The following PCDH17 variants were observed in gnomAD, a reference collection of about 807,000 sequenced individuals.
The protein encoded by PCDH17 is protocadherin 17.
In PCDH17, 21 loss-of-function variants were observed where a neutral mutation model predicts 67.7. The observed-to-expected ratio is 0.31, with a 90% CI of 0.22 to 0.45. PCDH17 has a LOEUF of 0.45. Among genes scored for constraint, PCDH17 ranks in the 20% least tolerant of loss-of-function variants. The pLI is 1.00. For missense variants in PCDH17, 1,471 were observed against 1,564.8 expected (o/e 0.94, Z 1.01); for synonymous variants, 701 against 656.7 (o/e 1.07, Z -1.03).
chr13:57,647,824 C>A (rs1022668365), intron 1 of PCDH17, among the ~76,000 whole-genome samples: 1 of 151,694 alleles, frequency 6.6e-6, no homozygotes, highest in Non-Finnish European at 1.5e-5. Context: ...AAGATATAGT[C>A]GAGATAAAAT....
At chr13:57,637,560 A>G (rs1001707737) in intron 1 of PCDH17, among the ~76,000 whole-genome samples, 1 of 151,964 alleles carries the variant, frequency 6.6e-6, no homozygotes, top group Non-Finnish European at 1.5e-5. Flanking sequence ...TATGTAATAC[A>G]GCATCCTAAG....
chr13:57,660,023 A>G (rs1428929651), intron 1 of PCDH17, among the ~76,000 whole-genome samples: 1 of 152,076 alleles, frequency 6.6e-6, no homozygotes, highest in East Asian at 1.9e-4. Context: ...CTTTGAGCTC[A>G]TGAGTTCGAG....
rs900301413 is a variant in PCDH17 at position 57,720,905 on chromosome 13, C to A, written c.2798-3707C>A. 4.6e-5 allele frequency among the ~76,000 whole-genome samples: 7 copies of A among 152,074 alleles called. No individual in the cohort carries two copies. In the East Asian group the frequency reaches 1.2e-3, roughly 25 times the overall value. Reference sequence around the variant, plus strand: ...TTTAGATACTTCCCTTTGAGGCTTGCATAACAGTCAGATGCAGCAACAGGA... The same window carrying A: ...TTTAGATACTTCCCTTTGAGGCTTGAATAACAGTCAGATGCAGCAACAGGA... On this transcript the variant is annotated intron_variant, in intron 3 of 3. Coordinates refer to ENST00000377918, the MANE Select transcript of PCDH17 (RefSeq NM_001040429.3).
chr13:57,683,191 A>G (rs1332401336), intron 3 of PCDH17, among the ~76,000 whole-genome samples: 1 of 151,868 alleles, frequency 6.6e-6, no homozygotes, highest in Non-Finnish European at 1.5e-5. Context: ...AGAGGGAGTC[A>G]TGGGGATGAT....
chr13:57,686,078 G>C (rs1367964194), intron 3 of PCDH17, among the ~76,000 whole-genome samples: 1 of 148,086 alleles, frequency 6.8e-6, no homozygotes, highest in Admixed American at 6.9e-5. Context: ...GACACAGGGA[G>C]ATCTCATCTC....
intron 1 of PCDH17, among the ~76,000 whole-genome samples, chr13:57,653,216 T>C (rs1375716838): frequency 6.6e-6 from 1 of 152,184 alleles, no homozygotes; most frequent in African/African-American, 2.4e-5. Context: ...CTGGCTCTGA[T>C]TATTATTTTA....
chr13:57,690,210 G>A (rs866827688), intron 3 of PCDH17, among the ~76,000 whole-genome samples: 1 of 151,596 alleles, frequency 6.6e-6, no homozygotes, highest in Non-Finnish European at 1.5e-5. Context: ...ATTTAGACTA[G>A]CATCCTATCC....
chr13:57,696,369 T>C (rs1013997123), intron 3 of PCDH17, among the ~76,000 whole-genome samples: 1 of 151,432 alleles, frequency 6.6e-6, no homozygotes, highest in African/African-American at 2.4e-5. Flanking sequence ...AAGTGGGTTT[T>C]AATTTCGTGT....
chr13:57,632,619 G>A lies in PCDH17; in HGVS notation c.73G>A (p.Val25Met). The A allele has an allele frequency of 1.2e-6, 2 of 1,613,750 alleles. No individual in the cohort carries two copies. Among genetic ancestry groups the A allele is most frequent in the Non-Finnish European group, 1.7e-6 (2 of 1,179,970 alleles). Residue 25 changes from valine (V) to methionine (M), a missense_variant, in exon 1 of 4, where the codon GTG becomes ATG. Physicochemically the swap from Val to Met is conservative, Grantham distance 21. Around this residue, in one of 3 missense-constraint regions of PCDH17, gnomAD observed 1,163 missense variants for 1,230.0 expected, o/e 0.95. Coordinates refer to ENST00000377918, the MANE Select transcript of PCDH17 (RefSeq NM_001040429.3). ...ALTLKNLNYSVPEEQGAGTVI... is the reference protein window; with the variant it reads ...ALTLKNLNYSMPEEQGAGTVI... Reference sequence around the variant, plus strand: ...CACTCTCAAGAACCTCAACTACTCCGTGCCGGAGGAGCAAGGGGCCGGCAC... The same window carrying A: ...CACTCTCAAGAACCTCAACTACTCCATGCCGGAGGAGCAAGGGGCCGGCAC...
intron 3 of PCDH17, among the ~76,000 whole-genome samples, chr13:57,694,903 C>T (rs1282211230): frequency 6.6e-6 from 1 of 151,020 alleles, no homozygotes; most frequent in Non-Finnish European, 1.5e-5. Flanking sequence ...TCCTGTGTGT[C>T]CAAAGAGCTG....
Position 57,726,551 on chromosome 13 carries a change from T to C in PCDH17, c.*1257T>C, listed in dbSNP as rs1302229448. The C allele has an allele frequency of 6.6e-6, 1 of 152,622 alleles. No homozygotes were observed. Among genetic ancestry groups the C allele is most frequent in the Non-Finnish European group, 1.5e-5 (1 of 68,030 alleles). The allele number at this position is 152,622 out of a possible 1,614,324, so 9.5% of individuals were successfully genotyped here. A position where few individuals can be genotyped will look rare whatever the true frequency, so the allele number is the denominator to read the frequency against. On this transcript the variant is annotated 3_prime_UTR_variant, in exon 4 of 4. Transcript: ENST00000377918. ...TCAGAGCAAAGTCTCTTGTTTAATG[T>C]ATAGTCTACCAAGTACTACAGTACA...
chr13:57,660,985 G>T (rs550442197), intron 1 of PCDH17, among the ~76,000 whole-genome samples: 2 of 152,234 alleles, frequency 1.3e-5, no homozygotes, highest in South Asian at 2.1e-4. Context: ...ACAGAATTTT[G>T]TGTGAACATA....
chr13:57,639,812 C>T (rs940184240), intron 1 of PCDH17, among the ~76,000 whole-genome samples: 3 of 151,838 alleles, frequency 2.0e-5, no homozygotes, highest in Non-Finnish European at 4.4e-5. Flanking sequence ...ATGAAAAGAT[C>T]GGCATAGAAA....
chr13:57,653,497 T>A (rs1183278251), intron 1 of PCDH17, among the ~76,000 whole-genome samples: 3 of 152,148 alleles, frequency 2.0e-5, no homozygotes, highest in African/African-American at 7.2e-5. Flanking sequence ...AACTTGTTCA[T>A]AATACTTACT....
In PCDH17 at chr13:57,666,358, T is replaced by A. The variant is rs572074623; in HGVS notation, c.2566-110T>A. 3 of 791,990 alleles carry A rather than the reference T, an allele frequency of 3.8e-6. No individual in the cohort carries two copies. The East Asian group carries it at 7.9e-5, about 21-fold the overall frequency. The allele number at this position is 791,990 out of a possible 1,614,324, so 49.1% of individuals were successfully genotyped here. ...TAATTAAAATGTACAAATCTGAAGA[T>A]TAAGGGAATTTTTGAATTATTAATC... On this transcript the variant is annotated intron_variant, in intron 1 of 3. Transcript: ENST00000377918.
At position 57,633,981 on chromosome 13, in the gene PCDH17, C is replaced by T. The variant is rs768355749; in HGVS notation, c.1435C>T (p.Leu479Phe). 1 of 1,613,658 alleles carries T rather than the reference C, an allele frequency of 6.2e-7. No homozygotes were observed. The highest frequency in any genetic ancestry group is 8.5e-7 in the Non-Finnish European group (1 of 1,180,026). Residue 479 changes from leucine to phenylalanine, a missense_variant, in exon 1 of 4, where the codon CTT becomes TTT. Leu to Phe is a conservative substitution (Grantham distance 22). Coordinates refer to ENST00000377918, the MANE Select transcript of PCDH17 (RefSeq NM_001040429.3). The surrounding 1 kb of genome is among the most constrained non-coding windows in gnomAD (Gnocchi z 6.2). ...PPRFTKGLYV[L>F]QVHENNIPGE... Reference sequence around the variant, plus strand: ...TCGGTTCACCAAAGGGCTCTACGTGCTTCAGGTGCACGAGAACAACATCCC... The same window carrying T: ...TCGGTTCACCAAAGGGCTCTACGTGTTTCAGGTGCACGAGAACAACATCCC...
intron 3 of PCDH17, among the ~76,000 whole-genome samples, chr13:57,696,983 A>T (rs554358059): frequency 4.0e-5 from 6 of 151,452 alleles, no homozygotes; most frequent in East Asian, 1.9e-4. Flanking sequence ...ATAATTCTTA[A>T]TTTTTTTTGT....
At chr13:57,711,607 T>C (rs9527685) in intron 3 of PCDH17, among the ~76,000 whole-genome samples, 1 of 151,758 alleles carries the variant, frequency 6.6e-6, no homozygotes, top group Non-Finnish European at 1.5e-5. Context: ...GTCAAGATAA[T>C]CAGGATAGCA....
chr13:57,712,849 A>T (rs1955788322), intron 3 of PCDH17, among the ~76,000 whole-genome samples: 1 of 151,592 alleles, frequency 6.6e-6, no homozygotes, highest in Non-Finnish European at 1.5e-5. Context: ...TTTCTTGTTA[A>T]AATTACCCTT....
Sources: allele counts gnomAD v4.1 joint callset (sites outside exome capture counted in the v4.1 genomes callset), GRCh38; gene constraint gnomAD v4.1.1; regional missense constraint gnomAD v4.1.1; non-coding constraint Gnocchi (gnomAD v3.1); transcripts MANE v1.5; gene names NCBI Gene and HGNC (gene_info 2026-07-23, HGNC 2026-07-21).